Variants in KCNN2 observed in about 807,000 individuals in gnomAD.
KCNN2 encodes small conductance calcium-activated potassium channel protein 2.
KCNN2 carries 24 observed loss-of-function variants against 55.5 expected under a neutral mutation model. The observed-to-expected ratio is 0.43, with a 90% CI of 0.31 to 0.61. The LOEUF is 0.61. Among genes scored for constraint, KCNN2 ranks in the 20% least tolerant of loss-of-function variants. The pLI, the probability that KCNN2 is intolerant of heterozygous loss-of-function variation, is 0.08. For synonymous variants in KCNN2, 431 were observed against 336.1 expected, an observed-to-expected ratio of 1.28 and a Z score of -3.09; for missense variants, 754 against 853.6, an observed-to-expected ratio of 0.88 and a Z score of 1.45.
rs775826957 is a variant in KCNN2 at position 114,496,067 on chromosome 5, C to T, written c.2261C>T (p.Ala754Val). Reference sequence around the variant, plus strand: ...CAGCAGCAGAGAGATTTCATTGAGGCTCAGATGGAGAGCTACGACAAGCAC... The same window carrying T: ...CAGCAGCAGAGAGATTTCATTGAGGTTCAGATGGAGAGCTACGACAAGCAC... ...IRQQQRDFIE[A>V]QMESYDKHVT... Residue 754 changes from alanine to valine, a missense_variant, in exon 8 of 8, where the codon GCT becomes GTT. Coordinates refer to ENST00000673685, the MANE Select transcript of KCNN2 (RefSeq NM_021614.4). 1 of 1,614,088 alleles carries T rather than the reference C, an allele frequency of 6.2e-7. No homozygotes were observed. Among genetic ancestry groups the T allele is most frequent in the South Asian group, 1.1e-5 (1 of 91,078 alleles).
intron 1 of KCNN2, among the ~76,000 whole-genome samples, chr5:114,218,431 C>A (rs1402086765): frequency 6.6e-6 from 1 of 152,136 alleles, no homozygotes; most frequent in Non-Finnish European, 1.5e-5. Flanking sequence ...GCTATCAAGC[C>A]ATGAAAGGAG....
chr5:114,278,733 T>G (rs1755546857), intron 2 of KCNN2, among the ~76,000 whole-genome samples: 1 of 152,138 alleles, frequency 6.6e-6, no homozygotes, highest in African/African-American at 2.4e-5. Flanking sequence ...GAAAGTGCAG[T>G]ATTTGGGCAG....
At chr5:114,384,591 C>G (rs1243248178) in intron 2 of KCNN2, among the ~76,000 whole-genome samples, 1 of 152,206 alleles carries the variant, frequency 6.6e-6, no homozygotes, top group Non-Finnish European at 1.5e-5. Flanking sequence ...CTAGAGTAGA[C>G]AGATATTCGA....
intron 1 of KCNN2, among the ~76,000 whole-genome samples, chr5:114,144,240 T>C (rs1752349994): frequency 6.6e-6 from 1 of 152,220 alleles, no homozygotes; most frequent in Non-Finnish European, 1.5e-5. Context: ...ACATTGCATT[T>C]GTGATCTTTG....
At chr5:114,115,416 C>T (rs2112588935) in intron 1 of KCNN2, among the ~76,000 whole-genome samples, 1 of 152,154 alleles carries the variant, frequency 6.6e-6, no homozygotes, top group East Asian at 1.9e-4. Context: ...GTGGGTTAAC[C>T]ACTGGAAACC....
intron 1 of KCNN2, among the ~76,000 whole-genome samples, chr5:114,181,815 G>A (rs541429999): frequency 8.1e-4 from 123 of 152,076 alleles, no homozygotes; most frequent in African/African-American, 2.6e-3. Context: ...TCAGGAGTTC[G>A]AGACCAGCCT....
chr5:114,471,530 T>G (rs1470115645), intron 4 of KCNN2, among the ~76,000 whole-genome samples: 2 of 152,144 alleles, frequency 1.3e-5, no homozygotes, highest in Admixed American at 6.5e-5. Flanking sequence ...TGATCCTAAA[T>G]ATAGATATAG....
chr5:114,409,285 A>G (rs1300017396), intron 3 of KCNN2, among the ~76,000 whole-genome samples: 1 of 152,190 alleles, frequency 6.6e-6, no homozygotes, highest in African/African-American at 2.4e-5. Flanking sequence ...TAAACTTCCC[A>G]TTTTGCTGCA....
At chr5:114,294,386 T>C (rs1755963498) in intron 2 of KCNN2, among the ~76,000 whole-genome samples, 1 of 152,178 alleles carries the variant, frequency 6.6e-6, no homozygotes, top group African/African-American at 2.4e-5. Context: ...GATTCTGGTA[T>C]GTTGTGTCTT....
chr5:114,102,099 T>G (rs138932772), intron 1 of KCNN2, among the ~76,000 whole-genome samples: 3,064 of 152,262 alleles, frequency 0.02, 113 homozygotes, highest in African/African-American at 0.071. Flanking sequence ...CATCTGTTGT[T>G]TCCTGACTTT....
rs144098012 is a variant in KCNN2, at chr5:114,363,986, C to T, written c.1203C>T (p.His401=). 9.3e-4 allele frequency: 1,497 copies of T among 1,613,372 alleles called. 3 individuals carry two copies. The highest frequency in any genetic ancestry group is 1.2e-3 in the Non-Finnish European group (1,441 of 1,179,406). The change falls in exon 2 of 8, where the codon CAC becomes CAT. Residue 401 remains histidine (H), a synonymous_variant. Coordinates refer to ENST00000673685, the MANE Select transcript of KCNN2 (RefSeq NM_021614.4). ...IILLGLIIVY[H]AREIQLFMVD... ...TGCTCGGTCTGATCATCGTGTACCA[C>T]GCCAGGGAAATACAGGTAACTTAGG...
Position 114,459,198 on chromosome 5 carries a change from C to T in KCNN2, c.1638-3851C>T, listed in dbSNP as rs1320203521. Among the ~76,000 whole-genome samples the T allele has an allele frequency of 2.0e-5, 3 of 152,358 alleles. No homozygotes were observed. The South Asian group carries it at 6.2e-4, about 32-fold the overall frequency. On this transcript the variant is annotated intron_variant, in intron 3 of 7. Transcript: ENST00000673685. ...GATCTTACAGTCTTTGTCTCTGAAG[C>T]ATGCAGTTCATGCCAAAACTCCAAA...
intron 1 of KCNN2, among the ~76,000 whole-genome samples, chr5:114,191,666 G>T (rs1753453002): frequency 6.6e-6 from 1 of 152,164 alleles, no homozygotes; most frequent in Non-Finnish European, 1.5e-5. Flanking sequence ...AAGCTACAAG[G>T]TAAACCACAC....
intron 2 of KCNN2, among the ~76,000 whole-genome samples, chr5:114,322,685 C>T (rs565410087): frequency 2.0e-5 from 3 of 152,034 alleles, no homozygotes; most frequent in East Asian, 3.9e-4. Context: ...GGTTTGAAAG[C>T]GACAGAAACT....
rs141497289 is a variant in KCNN2, at chr5:114,140,997, C to T, written c.-270-80483C>T. Among the ~76,000 whole-genome samples the T allele has an allele frequency of 7.3e-3, 1,111 of 152,012 alleles. 16 individuals are homozygous for T. Among genetic ancestry groups the T allele is most frequent in the African/African-American group, 0.025 (1,024 of 41,472 alleles). On this transcript the variant is annotated intron_variant, in intron 1 of 10. Coordinates refer to the KCNN2 transcript ENST00000512097. ...AGAGACGGGGTTTCACCATTTTGGT[C>T]AGGCTGGTCTCGAACTCTTGACCTA...
intron 2 of KCNN2, among the ~76,000 whole-genome samples, chr5:114,255,989 C>T (rs1754975849): frequency 6.6e-6 from 1 of 152,014 alleles, no homozygotes; most frequent in East Asian, 1.9e-4. Context: ...TCTCATCTCC[C>T]ATCCCCCTCC....
At chr5:114,334,272 G>A (rs954307441) in intron 2 of KCNN2, among the ~76,000 whole-genome samples, 1 of 69,828 alleles carries the variant, frequency 1.4e-5, no homozygotes, top group African/African-American at 4.1e-5. Context: ...GTGTGTGTGT[G>A]TGTGTGTGTG....
At chr5:114,238,211 T>C (rs1754545167) in intron 2 of KCNN2, among the ~76,000 whole-genome samples, 1 of 152,230 alleles carries the variant, frequency 6.6e-6, no homozygotes, top group African/African-American at 2.4e-5. Context: ...GCTATCCTCT[T>C]GTAGGTTACT....
At chr5:114,455,486 A>C (rs986732268) in intron 3 of KCNN2, among the ~76,000 whole-genome samples, 1 of 152,182 alleles carries the variant, frequency 6.6e-6, no homozygotes, top group Admixed American at 6.5e-5. Flanking sequence ...TGGCTTTCCT[A>C]TTCCCTGAAA....
Sources: gnomAD v4.1 joint callset for allele counts (sites outside exome capture counted in the v4.1 genomes callset) on GRCh38, gnomAD v4.1.1 for gene constraint, MANE v1.5 for transcripts, NCBI Gene and HGNC (gene_info 2026-07-23, HGNC 2026-07-21) for gene names.